Variants in FRAS1 observed in about 807,000 individuals in gnomAD.
FRAS1 encodes the protein Fraser extracellular matrix complex subunit 1.
In FRAS1, 290 loss-of-function variants were observed where a neutral mutation model predicts 435.2. The ratio of observed to expected loss-of-function variants is 0.67; its 90% CI spans 0.61 to 0.73. The LOEUF is 0.73. Among genes scored for constraint, FRAS1 ranks in the 30% least tolerant of loss-of-function variants. FRAS1 has a pLI of 0.00. For missense variants in FRAS1, 4,860 were observed against 5,001.5 expected (o/e 0.97, Z 0.85); for synonymous variants, 1,800 against 1,851.0 (o/e 0.97, Z 0.71).
chr4:78,181,056 T>G, intron 2 of FRAS1: 1 of 1,576,700 alleles, frequency 6.3e-7, no homozygotes, highest in Non-Finnish European at 8.7e-7. Flanking sequence ...ATTTGCTGGC[T>G]TCTGGAAATG....
At chr4:78,163,579 G>T (rs1721223609) in intron 2 of FRAS1, among the ~76,000 whole-genome samples, 1 of 152,112 alleles carries the variant, frequency 6.6e-6, no homozygotes, top group Non-Finnish European at 1.5e-5. Context: ...GCCATCCCCT[G>T]CCCTACCCCA....
intron 53 of FRAS1, among the ~76,000 whole-genome samples, chr4:78,474,141 C>T (rs1719794614): frequency 6.6e-6 from 1 of 152,184 alleles, no homozygotes; most frequent in Non-Finnish European, 1.5e-5. Context: ...TCTCCCCTGG[C>T]TTCTTTGGGT....
At position 78,479,416 on chromosome 4, in the gene FRAS1, C is replaced by T; in HGVS notation, c.8141C>T (p.Pro2714Leu). ...SIVSAICYTV[P>L]KSAMGSSLYA... is the part of the protein sequence containing the mutation. The stretch of plus-strand genomic sequence containing the variant: ...GTATCTGCAATTTGCTACACAGTCC[C>T]TAAGTCAGCTATGGGAAGTAGCCTC... The change falls in exon 56 of 74, where the codon CCT becomes CTT. Residue 2714 changes from proline to leucine, a missense_variant. Physicochemically the swap from Pro to Leu is moderately conservative, Grantham distance 98. Transcript: ENST00000512123. The T allele has an allele frequency of 6.4e-7, 1 of 1,557,714 alleles. No homozygotes were observed. The highest frequency in any genetic ancestry group is 8.7e-7 in the Non-Finnish European group (1 of 1,148,256).
At chr4:78,282,432 G>T (rs1312550274) in intron 11 of FRAS1, among the ~76,000 whole-genome samples, 1 of 152,196 alleles carries the variant, frequency 6.6e-6, no homozygotes, top group African/African-American at 2.4e-5. Flanking sequence ...TTATTTTAGA[G>T]ATTGTATTTA....
At chr4:78,199,677 A>G (rs539322080) in intron 2 of FRAS1, among the ~76,000 whole-genome samples, 7 of 152,200 alleles carry the variant, frequency 4.6e-5, no homozygotes, top group Non-Finnish European at 1.0e-4. Context: ...AGACCTGCTG[A>G]CTGGCATGGT....
chr4:78,327,906 C>T (rs1729782292), intron 18 of FRAS1, among the ~76,000 whole-genome samples: 1 of 152,142 alleles, frequency 6.6e-6, no homozygotes, highest in Non-Finnish European at 1.5e-5. Context: ...AACACCTGTA[C>T]TTGCAGAAAC....
intron 20 of FRAS1, among the ~76,000 whole-genome samples, chr4:78,341,746 C>T (rs1371056480): frequency 2.0e-5 from 3 of 152,060 alleles, no homozygotes; most frequent in African/African-American, 7.2e-5. Flanking sequence ...ATACCATTTA[C>T]CAAGGGTAGG....
At chr4:78,531,107 A>G (rs9992989) in intron 70 of FRAS1, among the ~76,000 whole-genome samples, 7,358 of 152,252 alleles carry the variant, frequency 0.048, 192 homozygotes, top group South Asian at 0.098. Context: ...AGAAATTGTG[A>G]ATGGGAGTTC....
intron 14 of FRAS1, among the ~76,000 whole-genome samples, chr4:78,303,121 T>C (rs1380218289): frequency 6.6e-6 from 1 of 152,216 alleles, no homozygotes; most frequent in Non-Finnish European, 1.5e-5. Flanking sequence ...GGGAATCCTT[T>C]CCCCATTGCT....
chr4:78,075,311 A>G (rs1001012715), intron 2 of FRAS1, among the ~76,000 whole-genome samples: 1 of 152,170 alleles, frequency 6.6e-6, no homozygotes, highest in Non-Finnish European at 1.5e-5. Flanking sequence ...ATAGGGGAGA[A>G]AGATGGGAGA....
At chr4:78,183,873 A>G (rs1722157863) in intron 2 of FRAS1, among the ~76,000 whole-genome samples, 1 of 151,728 alleles carries the variant, frequency 6.6e-6, no homozygotes, top group African/African-American at 2.4e-5. Flanking sequence ...ACAACAAAAG[A>G]AACCTGAAAA....
intron 2 of FRAS1, among the ~76,000 whole-genome samples, chr4:78,146,171 T>C (rs1047441550): frequency 6.6e-6 from 1 of 152,084 alleles, no homozygotes; most frequent in African/African-American, 2.4e-5. Context: ...ATGTACAGAG[T>C]CTTAAATTTC....
chr4:78,531,901 A>G (rs1578377533), intron 70 of FRAS1, among the ~76,000 whole-genome samples: 1 of 152,236 alleles, frequency 6.6e-6, no homozygotes. Context: ...TGGCACTGTC[A>G]TCAAGGATTT....
At chr4:78,455,095 C>G (rs1414725135) in intron 47 of FRAS1, among the ~76,000 whole-genome samples, 2 of 152,194 alleles carry the variant, frequency 1.3e-5, no homozygotes, top group African/African-American at 4.8e-5. Flanking sequence ...ATACAAGGCT[C>G]CAGTCCTCTT....
At position 78,296,909 on chromosome 4, in the gene FRAS1, C is replaced by T. The variant is rs569440590; in HGVS notation, c.1534+10370C>T. On this transcript the variant is annotated intron_variant, in intron 14 of 73. Transcript: ENST00000512123. The stretch of plus-strand genomic sequence containing the variant: ...TCCAAACTTGCCATCTCTCCATGTC[C>T]TCGTGAACTAGGTACAACAAATATT... Among the ~76,000 whole-genome samples, 4 of 152,312 alleles carry T rather than the reference C, an allele frequency of 2.6e-5. No individual in the cohort carries two copies. In the South Asian group the frequency reaches 6.2e-4, roughly 24 times the overall value.
chr4:78,076,949 A>C (rs564218187), intron 2 of FRAS1, among the ~76,000 whole-genome samples: 1 of 152,224 alleles, frequency 6.6e-6, no homozygotes, highest in African/African-American at 2.4e-5. Context: ...ATAAAGTATA[A>C]TAAAAGAAAT....
chr4:78,356,026 A>G (rs1284464800), intron 20 of FRAS1, among the ~76,000 whole-genome samples: 1 of 152,170 alleles, frequency 6.6e-6, no homozygotes, highest in Non-Finnish European at 1.5e-5. Context: ...CTGTGAGTAA[A>G]ATGACTGGTG....
intron 2 of FRAS1, among the ~76,000 whole-genome samples, chr4:78,086,615 A>G (rs979005161): frequency 6.6e-6 from 1 of 152,240 alleles, no homozygotes; most frequent in African/African-American, 2.4e-5. Flanking sequence ...TCCCACAGAA[A>G]TACAAACTAC....
intron 38 of FRAS1, 92 bp from the exon 39 acceptor site, chr4:78,438,478 C>A: frequency 2.5e-6 from 3 of 1,220,632 alleles, no homozygotes; most frequent in Non-Finnish European, 3.5e-6. Context: ...TTCCAATTAG[C>A]AGAGAGAGAA....
Sources: allele counts gnomAD v4.1 joint callset (sites outside exome capture counted in the v4.1 genomes callset), GRCh38; gene constraint gnomAD v4.1.1; transcripts MANE v1.5; gene names NCBI Gene and HGNC (gene_info 2026-07-23, HGNC 2026-07-21).